FHAD1: variants seen among roughly 807,000 people sequenced by gnomAD.
FHAD1 encodes the protein forkhead-associated domain-containing protein 1.
FHAD1 carries 146 observed loss-of-function variants against 191.3 expected under a neutral mutation model. The observed-to-expected ratio is 0.76, with a 90% CI of 0.67 to 0.88. FHAD1 has a LOEUF of 0.88. Ranked by LOEUF, FHAD1 falls within the 40% of genes least tolerant of loss-of-function variation. The pLI, the probability that FHAD1 is intolerant of heterozygous loss-of-function variation, is 0.00. For synonymous variants in FHAD1, 616 were observed against 672.3 expected, an observed-to-expected ratio of 0.92 and a Z score of 1.29; for missense variants, 1,635 against 1,785.8, an observed-to-expected ratio of 0.92 and a Z score of 1.52.
intron 20 of FHAD1, among the ~76,000 whole-genome samples, chr1:15,354,159 A>G (rs1383557687): frequency 6.6e-6 from 1 of 152,190 alleles, no homozygotes; most frequent in East Asian, 1.9e-4. Flanking sequence ...AGGTTTGCAA[A>G]CATTAGCATG....
intron 26 of FHAD1, among the ~76,000 whole-genome samples, chr1:15,372,049 C>G (rs1396425439): frequency 6.6e-6 from 1 of 152,186 alleles, no homozygotes; most frequent in African/African-American, 2.4e-5. Context: ...CAGAAATAAA[C>G]AAGCCAAGAT....
chr1:15,315,677 A>G (rs527326421), intron 8 of FHAD1, among the ~76,000 whole-genome samples: 19 of 151,956 alleles, frequency 1.3e-4, no homozygotes, highest in Non-Finnish European at 2.5e-4. Flanking sequence ...TAGTAGAGAC[A>G]GGGTTTCATC....
intron 2 of FHAD1, among the ~76,000 whole-genome samples, chr1:15,262,658 C>T (rs570329666): frequency 5.3e-5 from 8 of 152,340 alleles, no homozygotes; most frequent in African/African-American, 1.7e-4. Flanking sequence ...TAAATAACAT[C>T]CATTGTTTGG....
At chr1:15,268,840 GTTGT>G (rs1486296048) in intron 2 of FHAD1, among the ~76,000 whole-genome samples, 15 of 150,646 alleles carry the variant, frequency 1.0e-4, no homozygotes, top group East Asian at 1.9e-4. Flanking sequence ...TTTTGATGGG[GTTGT>G]TTGTTTTTTT....
chr1:15,394,005 CA>C (rs1705102112), intron 33 of FHAD1, among the ~76,000 whole-genome samples: 1 of 152,112 alleles, frequency 6.6e-6, no homozygotes, highest in South Asian at 2.1e-4. Flanking sequence ...CTGAAGCAGA[CA>C]CCCCAGGATG....
At chr1:15,305,636 T>C (rs1055350711) in intron 6 of FHAD1, 8 of 226,814 alleles carry the variant, frequency 3.5e-5, no homozygotes, top group Non-Finnish European at 6.3e-5. Flanking sequence ...CAGGAGGTAA[T>C]TGAATCATGG....
intron 28 of FHAD1, 114 bp downstream of exon 28, chr1:15,375,844 C>A: frequency 8.3e-7 from 1 of 1,210,514 alleles, no homozygotes. Flanking sequence ...TTGGGGCTGG[C>A]TGCTGTCTAT....
chr1:15,248,051 C>T (rs1557905104), intron 1 of FHAD1, among the ~76,000 whole-genome samples: 1 of 143,516 alleles, frequency 7.0e-6, no homozygotes. Context: ...AAGAAATAGA[C>T]TTTTTTTTTT....
Position 15,327,033 on chromosome 1 carries a change from A to T in FHAD1, c.1474-26A>T. On this transcript the variant is annotated intron_variant, in intron 11 of 33. Transcript: ENST00000688493. The surrounding 1 kb of genome is among the most constrained non-coding windows in gnomAD (Gnocchi z 5.1). ...CTTGCCGGCCCCTGCTGACCCCCTG[A>T]CACTGTTGCCCCCTCTCTGCTGCAG... The T allele has an allele frequency of 2.0e-6, 3 of 1,490,430 alleles. No individual in the cohort carries two copies. Among genetic ancestry groups the T allele is most frequent in the Non-Finnish European group, 2.7e-6 (3 of 1,093,204 alleles). The allele number at this position is 1,490,430 out of a possible 1,614,324, so 92.3% of individuals were successfully genotyped here. A position where few individuals can be genotyped will look rare whatever the true frequency, so the allele number is the denominator to read the frequency against.
At chr1:15,388,360 G>GTCCCTGTCCAACCTCCCTCCCTC (rs1193136936) in intron 32 of FHAD1, 1 of 751,788 alleles carries the variant, frequency 1.3e-6, no homozygotes, top group Admixed American at 1.4e-4. Flanking sequence ...TGCCCCACCT[G>GTCCCTGTCCAACCTCCCTCCCTC]CCTGCAGTTT....
chr1:15,284,352 G>A (rs779919583), intron 3 of FHAD1, among the ~76,000 whole-genome samples: 5 of 152,020 alleles, frequency 3.3e-5, no homozygotes, highest in African/African-American at 4.8e-5. Flanking sequence ...GGTGGTGGGC[G>A]CCTGTAGTCC....
intron 15 of FHAD1, among the ~76,000 whole-genome samples, chr1:15,340,583 A>C (rs1686178938): frequency 6.6e-6 from 1 of 152,084 alleles, no homozygotes; most frequent in Non-Finnish European, 1.5e-5. Context: ...ATGTCTGCTA[A>C]GATCCCATTG....
chr1:15,332,996 G>A (rs890936178), intron 14 of FHAD1, among the ~76,000 whole-genome samples: 2 of 152,064 alleles, frequency 1.3e-5, no homozygotes, highest in Non-Finnish European at 2.9e-5. Context: ...TAACCTCTTG[G>A]AATAATGTTC....
intron 20 of FHAD1, among the ~76,000 whole-genome samples, chr1:15,356,025 A>C (rs1404592610): frequency 6.6e-6 from 1 of 151,880 alleles, no homozygotes; most frequent in Non-Finnish European, 1.5e-5. Context: ...CGACATTTTG[A>C]TGTGATTCCT....
intron 31 of FHAD1, 38 bp downstream of exon 31, chr1:15,382,231 G>T: frequency 6.5e-7 from 1 of 1,543,064 alleles, no homozygotes. Flanking sequence ...CTCCCAGGCT[G>T]CCCTGCAGCT....
intron 4 of FHAD1, among the ~76,000 whole-genome samples, chr1:15,294,278 G>A (rs183536714): frequency 3.1e-4 from 47 of 152,230 alleles, no homozygotes; most frequent in African/African-American, 9.6e-4. Flanking sequence ...CTTTGCTTTC[G>A]ATTTGAAAAA....
intron 15 of FHAD1, among the ~76,000 whole-genome samples, chr1:15,339,930 A>C (rs1265233244): frequency 6.6e-6 from 1 of 151,912 alleles, no homozygotes; most frequent in Non-Finnish European, 1.5e-5. Flanking sequence ...GGTTCAAGTG[A>C]TTCTCCTGCT....
At position 15,313,081 on chromosome 1, in the gene FHAD1, A is replaced by T; in HGVS notation, c.1064A>T (p.Asp355Val). ...TSGMVSSLQK[D>V]ILAKDEQVQQ... ...GGGATGGTGTCATCTTTGCAAAAAG[A>T]CATATTAGCAAAGGATGAGCAAGTT... The change falls in exon 8 of 34, where the codon GAC becomes GTC. Residue 355 changes from aspartate to valine, a missense_variant. By Grantham distance (152) the Asp-to-Val change is radical. Coordinates refer to ENST00000688493, the MANE Select transcript of FHAD1 (RefSeq NM_001391957.1). The T allele has an allele frequency of 6.4e-7, 1 of 1,551,712 alleles. No homozygotes were observed. Among genetic ancestry groups the T allele is most frequent in the Non-Finnish European group, 8.7e-7 (1 of 1,146,984 alleles).
intron 9 of FHAD1, 40 bp from the exon 10 acceptor site, chr1:15,317,784 C>A: frequency 7.0e-7 from 1 of 1,424,894 alleles, no homozygotes; most frequent in Non-Finnish European, 9.7e-7. Context: ...GCAGCTCCTG[C>A]CCCCATCAGG....
Sources: allele counts gnomAD v4.1 joint callset (sites outside exome capture counted in the v4.1 genomes callset), GRCh38; gene constraint gnomAD v4.1.1; non-coding constraint Gnocchi (gnomAD v3.1); transcripts MANE v1.5; gene names NCBI Gene and HGNC (gene_info 2026-07-23, HGNC 2026-07-21).